Variants in CADM2 observed in about 807,000 individuals in gnomAD.
The protein encoded by CADM2 is cell adhesion molecule 2.
Under a neutral mutation model 49.8 loss-of-function variants are expected in CADM2, and 12 were observed. The ratio of observed to expected loss-of-function variants is 0.24; its 90% CI spans 0.15 to 0.39. CADM2 has a LOEUF of 0.39. Ranked by LOEUF, CADM2 falls within the 10% of genes least tolerant of loss-of-function variation. The probability of loss-of-function intolerance (pLI) is 1.00; values close to 1 mark genes in which losing one functional copy is unlikely to be tolerated. For missense variants in CADM2, 378 were observed against 492.3 expected (o/e 0.77, Z 2.20); for synonymous variants, 214 against 175.4 (o/e 1.22, Z -1.74).
At chr3:85,342,572 A>T (rs1330845239) in intron 1 of CADM2, among the ~76,000 whole-genome samples, 1 of 152,148 alleles carries the variant, frequency 6.6e-6, no homozygotes, top group Admixed American at 6.6e-5. Context: ...CTTGTTCTTC[A>T]TAAAGTACTA....
intron 1 of CADM2, among the ~76,000 whole-genome samples, chr3:85,282,351 T>C (rs894151215): frequency 7.1e-6 from 1 of 140,202 alleles, no homozygotes; most frequent in Non-Finnish European, 1.5e-5. Flanking sequence ...AACCTCCACC[T>C]CTCTGGGTCA....
chr3:86,014,107 A>G (rs750549832), intron 8 of CADM2: 20 of 1,289,852 alleles, frequency 1.6e-5, no homozygotes, highest in Non-Finnish European at 2.1e-5. Context: ...GAAATCTGCC[A>G]TTTTCAGTGG....
At chr3:85,075,751 C>T (rs2036917937) in intron 1 of CADM2, among the ~76,000 whole-genome samples, 1 of 152,098 alleles carries the variant, frequency 6.6e-6, no homozygotes, top group Non-Finnish European at 1.5e-5. Flanking sequence ...ATTTATTTCT[C>T]TGGGGCAAAA....
chr3:85,761,610 C>CAG (rs2069385452), intron 2 of CADM2, among the ~76,000 whole-genome samples: 2 of 151,686 alleles, frequency 1.3e-5, no homozygotes, highest in Non-Finnish European at 2.9e-5. Context: ...CTCTTGACCT[C>CAG]GTGATCCACC....
chr3:85,272,896 T>G lies in CADM2; in HGVS notation c.61+313228T>G, dbSNP rs964294312. Reference sequence around the variant, plus strand: ...CATTGCAGTAAGGAAAGACAGACACTAAGCAACAACAACAACAACAAATAC... The same window carrying G: ...CATTGCAGTAAGGAAAGACAGACACGAAGCAACAACAACAACAACAAATAC... On this transcript the variant is annotated intron_variant, in intron 1 of 9. Coordinates refer to ENST00000383699, the MANE Select transcript of CADM2 (RefSeq NM_001167675.2). Among the ~76,000 whole-genome samples the G allele has an allele frequency of 6.6e-5, 10 of 151,302 alleles. No homozygotes were observed. In the South Asian group the frequency reaches 1.9e-3, roughly 28 times the overall value.
At chr3:85,319,180 C>T (rs1286754165) in intron 1 of CADM2, among the ~76,000 whole-genome samples, 1 of 152,120 alleles carries the variant, frequency 6.6e-6, no homozygotes, top group Non-Finnish European at 1.5e-5. Flanking sequence ...TTATTTAGCA[C>T]CTAATTTTTT....
intron 1 of CADM2, among the ~76,000 whole-genome samples, chr3:85,202,738 C>T (rs181365330): frequency 6.6e-6 from 1 of 152,292 alleles, no homozygotes; most frequent in East Asian, 1.9e-4. Flanking sequence ...CAGACATTGA[C>T]ACCTCCTTTC....
intron 3 of CADM2, among the ~76,000 whole-genome samples, chr3:85,810,236 C>T (rs2072766254): frequency 6.6e-6 from 1 of 152,104 alleles, no homozygotes; most frequent in South Asian, 2.1e-4. Context: ...TTCTCCCAAC[C>T]TCTGTTCTCT....
intron 3 of CADM2, among the ~76,000 whole-genome samples, chr3:85,848,333 T>C (rs2074965096): frequency 6.6e-6 from 1 of 152,158 alleles, no homozygotes; most frequent in Non-Finnish European, 1.5e-5. Flanking sequence ...GGGTGTGATT[T>C]TATTATTTTC....
chr3:85,119,676 T>C (rs184590851), intron 1 of CADM2, among the ~76,000 whole-genome samples: 2 of 152,304 alleles, frequency 1.3e-5, no homozygotes, highest in East Asian at 3.9e-4. Flanking sequence ...CTTATATTCT[T>C]GAGCAGTGGT....
chr3:85,333,459 A>AGCATTTT, intron 1 of CADM2, among the ~76,000 whole-genome samples: 1 of 151,734 alleles, frequency 6.6e-6, no homozygotes, highest in Non-Finnish European at 1.5e-5. Context: ...TAGTGATAAA[A>AGCATTTT]TTCACTTCTG....
intron 3 of CADM2, among the ~76,000 whole-genome samples, chr3:85,850,491 A>T (rs1351537972): frequency 1.3e-5 from 2 of 151,440 alleles, no homozygotes; most frequent in Non-Finnish European, 2.9e-5. Context: ...CGCTCGGATA[A>T]TTTTTTGTAT....
intron 1 of CADM2, among the ~76,000 whole-genome samples, chr3:85,718,177 C>A (rs1437527040): frequency 2.6e-5 from 4 of 152,060 alleles, no homozygotes; most frequent in African/African-American, 9.7e-5. Flanking sequence ...ATATATAACC[C>A]ATAAAAATTA....
chr3:85,347,814 G>GT (rs35677942), intron 1 of CADM2, among the ~76,000 whole-genome samples: 12 of 146,244 alleles, frequency 8.2e-5, no homozygotes, highest in Non-Finnish European at 1.2e-4. Flanking sequence ...CCAGTTTTTT[G>GT]TTTTTTTTTT....
At chr3:85,823,398 C>A (rs1459210538) in intron 3 of CADM2, among the ~76,000 whole-genome samples, 1 of 152,236 alleles carries the variant, frequency 6.6e-6, no homozygotes, top group African/African-American at 2.4e-5. Flanking sequence ...CAGACTACAT[C>A]AAAATATTTC....
chr3:85,092,200 A>G (rs1397263181), intron 1 of CADM2, among the ~76,000 whole-genome samples: 1 of 152,210 alleles, frequency 6.6e-6, no homozygotes, highest in Non-Finnish European at 1.5e-5. Context: ...TTGCAAAGAC[A>G]TAATACTACA....
At chr3:85,468,189 G>A (rs1334421505) in intron 1 of CADM2, among the ~76,000 whole-genome samples, 1 of 146,036 alleles carries the variant, frequency 6.8e-6, no homozygotes, top group Non-Finnish European at 1.5e-5. Context: ...AAACATTGAG[G>A]CAGGAAAACT....
chr3:85,674,689 C>T (rs2065843372), intron 1 of CADM2, among the ~76,000 whole-genome samples: 1 of 151,932 alleles, frequency 6.6e-6, no homozygotes, highest in African/African-American at 2.4e-5. Flanking sequence ...TAAATATGTC[C>T]AAGTATGATA....
At chr3:85,839,196 T>G (rs2074533350) in intron 3 of CADM2, among the ~76,000 whole-genome samples, 1 of 151,808 alleles carries the variant, frequency 6.6e-6, no homozygotes, top group Non-Finnish European at 1.5e-5. Context: ...CTGTGTAGCA[T>G]AGGGCCTGAG....
Sources: allele counts gnomAD v4.1 joint callset (sites outside exome capture counted in the v4.1 genomes callset), GRCh38; gene constraint gnomAD v4.1.1; transcripts MANE v1.5; gene names NCBI Gene and HGNC (gene_info 2026-07-23, HGNC 2026-07-21).